The following MPP2 variants were observed in gnomAD, a reference collection of about 807,000 sequenced individuals.
MPP2 encodes MAGUK p55 scaffold protein 2.
In MPP2, 42 loss-of-function variants were observed where a neutral mutation model predicts 58.5. The observed-to-expected ratio is 0.72, with a 90% CI of 0.56 to 0.93. The LOEUF is 0.93. MPP2 is among the 40% of genes least tolerant of loss of function. MPP2 has a pLI of 0.00. For missense variants in MPP2, 632 were observed against 760.4 expected, an observed-to-expected ratio of 0.83 and a Z score of 1.99; for synonymous variants, 300 against 307.8, an observed-to-expected ratio of 0.97 and a Z score of 0.26.
At chr17:43,895,190 T>G (rs2143709024) in intron 3 of MPP2, among the ~76,000 whole-genome samples, 1 of 152,210 alleles carries the variant, frequency 6.6e-6, no homozygotes, top group East Asian at 1.9e-4. Flanking sequence ...CATGGCTCAT[T>G]GTAGCCTCGA....
Position 43,880,868 on chromosome 17 carries a change from T to G in MPP2, c.989-16A>C. 1.9e-6 allele frequency: 3 copies of G among 1,588,046 alleles called. No individual in the cohort carries two copies. The highest frequency in any genetic ancestry group is 2.6e-6 in the Non-Finnish European group (3 of 1,164,356). On this transcript the variant is annotated splice_polypyrimidine_tract_variant and intron_variant, in intron 9 of 12. Coordinates refer to ENST00000269095, the MANE Select transcript of MPP2 (RefSeq NM_005374.5). This position sits in a 1 kb window ranked among gnomAD's most constrained non-coding sequence, Gnocchi z 5.2. ...CGGTCAAACTCTGGACACAGGGAGA[T>G]GGCGCTGCTCACCAGGCTGCACGGT...
Position 43,880,761 on chromosome 17 carries a change from G to C in MPP2, c.1080C>G (p.Gly360=). ...TGTTCTTCAGGCTGCGCCGTCCCACGCCCTGAGCCCCAATCAGTACCAGGG... is the reference window on the plus strand; with the variant it reads ...TGTTCTTCAGGCTGCGCCGTCCCACCCCCTGAGCCCCAATCAGTACCAGGG... The part of the protein sequence containing the change: ...RKTLVLIGAQ[G]VGRRSLKNKL... Residue 360 remains glycine (G), a synonymous_variant, in exon 10 of 13, where the codon GGC becomes GGG. Coordinates refer to ENST00000269095, the MANE Select transcript of MPP2 (RefSeq NM_005374.5). The surrounding 1 kb of genome is among the most constrained non-coding windows in gnomAD (Gnocchi z 5.2). The C allele has an allele frequency of 6.2e-7, 1 of 1,614,024 alleles. No individual in the cohort carries two copies.
chr17:43,885,068 G>T (rs1697284992), intron 3 of MPP2, among the ~76,000 whole-genome samples: 1 of 148,372 alleles, frequency 6.7e-6, no homozygotes, highest in Admixed American at 6.8e-5. Flanking sequence ...GTTGCAATGA[G>T]CCGAGATCAT....
chr17:43,883,347 C>T lies in MPP2; in HGVS notation c.159G>A (p.Glu53=). Residue 53 remains glutamate, a synonymous_variant, in exon 4 of 13, where the codon GAG becomes GAA. Transcript: ENST00000269095. Reference sequence around the variant, plus strand: ...CCTCCAGCTTCGTCTCCTCCAGCCTCTCATGGGCCTGGGGGTGGAAGCAGA... The same window carrying T: ...CCTCCAGCTTCGTCTCCTCCAGCCTTTCATGGGCCTGGGGGTGGAAGCAGA... ...PIVRSLAKAH[E]RLEETKLEAV... 1 of 1,611,366 alleles carries T rather than the reference C, an allele frequency of 6.2e-7. No homozygotes were observed. The highest frequency in any genetic ancestry group is 1.1e-5 in the South Asian group (1 of 90,916).
At chr17:43,881,791 G>C (rs1052752623) in intron 6 of MPP2, among the ~76,000 whole-genome samples, 1 of 152,126 alleles carries the variant, frequency 6.6e-6, no homozygotes, top group Non-Finnish European at 1.5e-5. Context: ...TCAGATCTCA[G>C]GACCAAGGAT....
chr17:43,907,929 A>T, upstream of MPP2: 1 of 985,296 alleles, frequency 1.0e-6, no homozygotes, highest in Non-Finnish European at 1.2e-6. Context: ...CTGCTTCCAT[A>T]TTGAGAAAAA....
In MPP2 at chr17:43,889,607, C is replaced by A. The variant is rs187242717; in HGVS notation, c.151-6252G>T. Among the ~76,000 whole-genome samples, 498 of 151,126 alleles carry A rather than the reference C, an allele frequency of 3.3e-3. 15 individuals are homozygous for A. Among genetic ancestry groups the A allele is most frequent in the Non-Finnish European group, 6.1e-4 (41 of 67,740 alleles). ...AACTCCAGACCTCAGGTGATCCGCC[C>A]GGCTCAGCCTCCCAAAGTGCTGGGA... is the stretch of plus-strand genomic sequence containing the variant. On this transcript the variant is annotated intron_variant, in intron 3 of 12. Coordinates refer to ENST00000269095, the MANE Select transcript of MPP2 (RefSeq NM_005374.5).
chr17:43,896,070 C>T (rs1302796973), intron 3 of MPP2, among the ~76,000 whole-genome samples: 1 of 152,172 alleles, frequency 6.6e-6, no homozygotes, highest in Non-Finnish European at 1.5e-5. Flanking sequence ...CCTCCACATC[C>T]CATGCCAGGG....
upstream of MPP2, chr17:43,909,483 G>C: frequency 9.2e-7 from 1 of 1,089,206 alleles, no homozygotes; most frequent in Non-Finnish European, 1.2e-6. Flanking sequence ...TATTTTGGAA[G>C]AGGAAGGATC....
intron 2 of MPP2, among the ~76,000 whole-genome samples, chr17:43,903,647 A>G (rs910533384): frequency 1.3e-5 from 2 of 152,240 alleles, no homozygotes; most frequent in African/African-American, 2.4e-5. Flanking sequence ...AGCTTGCGCC[A>G]CTGCACTCCA....
chr17:43,877,661 C>T lies in MPP2; in HGVS notation c.*146G>A. The T allele has an allele frequency of 1.3e-6, 1 of 742,846 alleles. No homozygotes were observed. The highest frequency in any genetic ancestry group is 2.3e-6 in the Non-Finnish European group (1 of 436,358). 46.0% of individuals were successfully genotyped at this position (742,846 alleles called of 1,614,324 possible). ...GCAGTGCACGCCTCTGTGCTGAAGCCAGACTTAGGGCCTGCTGGGAGCTGT... is the reference window on the plus strand; with the variant it reads ...GCAGTGCACGCCTCTGTGCTGAAGCTAGACTTAGGGCCTGCTGGGAGCTGT... On this transcript the variant is annotated 3_prime_UTR_variant, in exon 13 of 13. Transcript: ENST00000269095.
chr17:43,883,834 A>C (rs1292175047), intron 3 of MPP2, among the ~76,000 whole-genome samples: 4 of 152,120 alleles, frequency 2.6e-5, no homozygotes, highest in Non-Finnish European at 5.9e-5. Context: ...CCAGCGAATG[A>C]GGGGACAGGA....
intron 3 of MPP2, among the ~76,000 whole-genome samples, chr17:43,885,574 A>G (rs2047330815): frequency 6.6e-6 from 1 of 152,110 alleles, no homozygotes. Flanking sequence ...CCCCCATTCC[A>G]TATTTGTGTC....
Position 43,886,212 on chromosome 17 carries a change from T to C in MPP2, c.151-2857A>G, listed in dbSNP as rs147966831. On this transcript the variant is annotated intron_variant, in intron 3 of 12. Coordinates refer to ENST00000269095, the MANE Select transcript of MPP2 (RefSeq NM_005374.5). The stretch of plus-strand genomic sequence containing the variant: ...GGCTTTTATTTAACTGGTTTGGTTT[T>C]CTGGCTTTTTATTTAAAAATATGTC... 6.4e-4 allele frequency among the ~76,000 whole-genome samples: 98 copies of C among 152,326 alleles called. 1 individual carries two copies. Among genetic ancestry groups the C allele is most frequent in the Middle Eastern group, 3.4e-3 (1 of 294 alleles).
At chr17:43,878,722 C>T (rs2046961090) in intron 12 of MPP2, among the ~76,000 whole-genome samples, 1 of 152,184 alleles carries the variant, frequency 6.6e-6, no homozygotes, top group Non-Finnish European at 1.5e-5. Flanking sequence ...AGCAGAGGGA[C>T]CCCTGCGCTC....
At position 43,879,527 on chromosome 17, in the gene MPP2, G is replaced by C; in HGVS notation, c.1354-124C>G. The stretch of plus-strand genomic sequence containing the variant: ...GGAGTGGATGAGAAAAGGGTGCCCG[G>C]GGGTCTGGGACATGAGTCCTGGGAC... On this transcript the variant is annotated intron_variant, in intron 11 of 12. Coordinates refer to ENST00000269095, the MANE Select transcript of MPP2 (RefSeq NM_005374.5). This position sits in a 1 kb window ranked among gnomAD's most constrained non-coding sequence, Gnocchi z 4.1. 4 of 1,274,284 alleles carry C rather than the reference G, an allele frequency of 3.1e-6. No homozygotes were observed. The highest frequency in any genetic ancestry group is 4.4e-6 in the Non-Finnish European group (4 of 901,244). The allele number at this position is 1,274,284 out of a possible 1,614,324, so 78.9% of individuals were successfully genotyped here. A position where few individuals can be genotyped will look rare whatever the true frequency, so the allele number is the denominator to read the frequency against.
chr17:43,878,836 G>A (rs920210364), intron 12 of MPP2, among the ~76,000 whole-genome samples: 3 of 152,164 alleles, frequency 2.0e-5, no homozygotes, highest in Non-Finnish European at 4.4e-5. Flanking sequence ...TCCTCCAGGC[G>A]CTGCCTGCTC....
intron 6 of MPP2, among the ~76,000 whole-genome samples, 156 bp downstream of exon 6, chr17:43,882,128 G>A (rs569136310): frequency 1.3e-5 from 2 of 152,240 alleles, no homozygotes; most frequent in Non-Finnish European, 2.9e-5. Flanking sequence ...GCAGAGGCCT[G>A]TCGGCGGCTG....
intron 3 of MPP2, among the ~76,000 whole-genome samples, chr17:43,890,234 T>C (rs1415485120): frequency 1.3e-5 from 2 of 152,224 alleles, no homozygotes; most frequent in African/African-American, 4.8e-5. Context: ...CTCACTATTA[T>C]TTTGCTAAGA....
Sources: gnomAD v4.1 joint callset for allele counts (sites outside exome capture counted in the v4.1 genomes callset) on GRCh38, gnomAD v4.1.1 for gene constraint, Gnocchi (gnomAD v3.1) non-coding constraint, MANE v1.5 for transcripts, NCBI Gene and HGNC (gene_info 2026-07-23, HGNC 2026-07-21) for gene names.